FOXP1: variants seen among roughly 807,000 people sequenced by gnomAD.
The protein encoded by FOXP1 is forkhead box protein P1.
Under a neutral mutation model 98.2 loss-of-function variants are expected in FOXP1, and 15 were observed. The ratio of observed to expected loss-of-function variants is 0.15; its 90% CI spans 0.10 to 0.24. The LOEUF (loss-of-function observed/expected upper bound fraction) is 0.24. Ranked by LOEUF, FOXP1 falls within the 10% of genes least tolerant of loss-of-function variation. The pLI is 1.00. For synonymous variants in FOXP1, 371 were observed against 314.5 expected, an observed-to-expected ratio of 1.18 and a Z score of -1.90; for missense variants, 633 against 848.5, an observed-to-expected ratio of 0.75 and a Z score of 3.15.
At chr3:71,326,568 A>C (rs1254874388) in intron 4 of FOXP1, among the ~76,000 whole-genome samples, 2 of 152,210 alleles carry the variant, frequency 1.3e-5, no homozygotes, top group Non-Finnish European at 2.9e-5. Flanking sequence ...GTGAAAAAAT[A>C]GAAGGAAGGA....
At chr3:71,364,356 C>T (rs2078769663) in intron 3 of FOXP1, among the ~76,000 whole-genome samples, 1 of 152,198 alleles carries the variant, frequency 6.6e-6, no homozygotes, top group African/African-American at 2.4e-5. Flanking sequence ...CTAATGTATG[C>T]CCAAAATGTG....
intron 6 of FOXP1, among the ~76,000 whole-genome samples, chr3:71,178,288 C>G (rs1451369225): frequency 6.6e-6 from 1 of 152,120 alleles, no homozygotes; most frequent in Non-Finnish European, 1.5e-5. Flanking sequence ...GCACGTACCA[C>G]CACACCTGGC....
intron 5 of FOXP1, among the ~76,000 whole-genome samples, chr3:71,297,543 T>C (rs1412104917): frequency 6.6e-6 from 1 of 150,856 alleles, no homozygotes; most frequent in Non-Finnish European, 1.5e-5. Context: ...AAGGTTATAT[T>C]TGGAGCTGTA....
intron 6 of FOXP1, among the ~76,000 whole-genome samples, chr3:71,192,346 A>G (rs1032836413): frequency 6.6e-6 from 1 of 152,188 alleles, no homozygotes; most frequent in Non-Finnish European, 1.5e-5. Context: ...GGTATGAAAC[A>G]AGGCCAGGAA....
At chr3:71,036,336 G>A (rs769286278) in intron 11 of FOXP1, among the ~76,000 whole-genome samples, 10 of 152,160 alleles carry the variant, frequency 6.6e-5, no homozygotes, top group African/African-American at 1.2e-4. Flanking sequence ...CCCAGTGTGC[G>A]TCCCCTGTTT....
intron 6 of FOXP1, among the ~76,000 whole-genome samples, chr3:71,197,114 T>C (rs1366473839): frequency 6.6e-6 from 1 of 152,204 alleles, no homozygotes; most frequent in African/African-American, 2.4e-5. Context: ...CAAGCTTAGC[T>C]TCTCTGACAC....
chr3:71,465,324 A>AAAAG (rs1413975422), intron 3 of FOXP1, among the ~76,000 whole-genome samples: 1 of 67,658 alleles, frequency 1.5e-5, no homozygotes, highest in African/African-American at 5.5e-5. Context: ...AAAAAAAAAA[A>AAAAG]AAGAAGAAGA....
intron 6 of FOXP1, among the ~76,000 whole-genome samples, chr3:71,195,382 T>C (rs900133816): frequency 1.4e-4 from 21 of 152,196 alleles, no homozygotes; most frequent in African/African-American, 4.8e-4. Context: ...TTATTTTATA[T>C]CCTGGCACTG....
rs1559707450 is a variant in FOXP1 at position 71,009,159 on chromosome 3, G to GT, written c.974+6389_974+6390insA. ...TGGTCAATGAAATCATGGGGGCGGG[G>GT]GGGGGGGGGCGCATGACACACGTGG... On this transcript the variant is annotated intron_variant, in intron 12 of 20. Coordinates refer to ENST00000649528, the MANE Select transcript of FOXP1 (RefSeq NM_001349338.3). Among the ~76,000 whole-genome samples, 2 of 78,742 alleles carry GT rather than the reference G, an allele frequency of 2.5e-5. 1 individual carries two copies. Among genetic ancestry groups the GT allele is most frequent in the Non-Finnish European group, 5.4e-5 (2 of 37,342 alleles). 51.7% of individuals were successfully genotyped at this position (78,742 alleles called of 152,430 possible).
chr3:71,158,650 C>T (rs571776643), intron 6 of FOXP1, among the ~76,000 whole-genome samples: 8 of 150,054 alleles, frequency 5.3e-5, no homozygotes, highest in African/African-American at 2.0e-4. Context: ...TAAAAGGACT[C>T]CAAATTAACA....
At chr3:71,495,061 C>T (rs950197287) in intron 2 of FOXP1, among the ~76,000 whole-genome samples, 12 of 152,220 alleles carry the variant, frequency 7.9e-5, no homozygotes, top group South Asian at 4.1e-4. Context: ...ACTTCTCTGA[C>T]GCTGCCTTAA....
intron 5 of FOXP1, among the ~76,000 whole-genome samples, chr3:71,247,099 TAA>T (rs10713957): frequency 4.6e-5 from 7 of 151,942 alleles, no homozygotes; most frequent in African/African-American, 9.7e-5. Context: ...GCTAGCATCT[TAA>T]AAAAAAAATC....
intron 4 of FOXP1, among the ~76,000 whole-genome samples, chr3:71,315,079 T>TAAAAAAAAAAAAAAAA (rs11355298): frequency 2.4e-4 from 17 of 70,694 alleles, no homozygotes; most frequent in African/African-American, 6.7e-4. Flanking sequence ...CTGGTCCATG[T>TAAAAAAAAAAAAAAAA]AAAAAAAAAA....
intron 6 of FOXP1, among the ~76,000 whole-genome samples, chr3:71,124,389 T>G (rs1234065970): frequency 2.0e-5 from 3 of 151,754 alleles, no homozygotes; most frequent in African/African-American, 7.2e-5. Context: ...AAAAGAATAT[T>G]TAAAAAATCC....
chr3:71,053,269 GGGACATCAAGA>G (rs1336924560), intron 8 of FOXP1, among the ~76,000 whole-genome samples: 1 of 152,042 alleles, frequency 6.6e-6, no homozygotes, highest in Non-Finnish European at 1.5e-5. Context: ...AGTCGAAATG[GGGACATCAAGA>G]GCTGTCATAT....
At chr3:71,103,092 A>G (rs2057112217) in intron 7 of FOXP1, among the ~76,000 whole-genome samples, 1 of 152,174 alleles carries the variant, frequency 6.6e-6, no homozygotes, top group Non-Finnish European at 1.5e-5. Flanking sequence ...AACCTGACTT[A>G]GGGTAAACTG....
chr3:71,256,960 G>A (rs1428592056), intron 5 of FOXP1, among the ~76,000 whole-genome samples: 2 of 152,152 alleles, frequency 1.3e-5, no homozygotes. Context: ...TTCATTCTGA[G>A]CTACCAGCTA....
intron 4 of FOXP1, chr3:71,334,351 C>T (rs13079649): frequency 0.41 from 62,376 of 151,628 alleles, 14,166 homozygotes; most frequent in East Asian, 0.73. Context: ...CAGGTTGCAG[C>T]GAGCCAAGAT....
At chr3:70,983,452 G>A (rs896073207) in intron 14 of FOXP1, among the ~76,000 whole-genome samples, 8 of 152,040 alleles carry the variant, frequency 5.3e-5, no homozygotes, top group Admixed American at 4.6e-4. Flanking sequence ...TTTCGGGGGG[G>A]CACTTTGTTT....
Sources: gnomAD v4.1 joint callset for allele counts (sites outside exome capture counted in the v4.1 genomes callset) on GRCh38, gnomAD v4.1.1 for gene constraint, MANE v1.5 for transcripts, NCBI Gene and HGNC (gene_info 2026-07-23, HGNC 2026-07-21) for gene names.